PCDH17: variants seen among roughly 807,000 people sequenced by gnomAD.
The protein encoded by PCDH17 is protocadherin-17.
In PCDH17, 21 loss-of-function variants were observed where a neutral mutation model predicts 67.7. That is an observed-to-expected ratio of 0.31 (90% CI 0.22 to 0.45). The LOEUF (loss-of-function observed/expected upper bound fraction) is 0.45, where lower values mean the gene tolerates loss of function less well. PCDH17 is among the 20% of genes least tolerant of loss of function. PCDH17 has a pLI of 1.00. For missense variants in PCDH17, 1,471 were observed against 1,564.8 expected (o/e 0.94, Z 1.01); for synonymous variants, 701 against 656.7 (o/e 1.07, Z -1.03).
intron 1 of PCDH17, among the ~76,000 whole-genome samples, chr13:57,641,527 C>G (rs1486037085): frequency 8.9e-6 from 1 of 112,636 alleles, no homozygotes; most frequent in African/African-American, 3.3e-5. Flanking sequence ...CGGGGATAGA[C>G]TATAAAATTG....
chr13:57,724,221 A>G (rs1016857694), intron 3 of PCDH17, among the ~76,000 whole-genome samples: 1 of 152,152 alleles, frequency 6.6e-6, no homozygotes, highest in Non-Finnish European at 1.5e-5. Flanking sequence ...TTGCCTTGTT[A>G]TTTGATTTGA....
At chr13:57,660,731 C>G (rs1199146120) in intron 1 of PCDH17, among the ~76,000 whole-genome samples, 1 of 152,142 alleles carries the variant, frequency 6.6e-6, no homozygotes, top group Non-Finnish European at 1.5e-5. Context: ...TGTTCTGTGC[C>G]ATAATAGCTT....
chr13:57,632,352 C>G lies in PCDH17; in HGVS notation c.-195C>G, dbSNP rs557353295. The stretch of plus-strand genomic sequence containing the variant: ...CTCACCCAGTGCGGATGCTGTAGAT[C>G]AACAGGTTCAGGGAACTTGAGCAGA... On this transcript the variant is annotated 5_prime_UTR_variant, in exon 1 of 4. The change creates a new upstream start codon in the 5' untranslated region. Coordinates refer to ENST00000377918, the MANE Select transcript of PCDH17 (RefSeq NM_001040429.3). 1.6e-6 allele frequency: 1 copy of G among 608,248 alleles called. No individual in the cohort carries two copies. The highest frequency in any genetic ancestry group is 2.8e-5 in the East Asian group (1 of 36,266). 37.7% of individuals were successfully genotyped at this position (608,248 alleles called of 1,614,324 possible). A position where few individuals can be genotyped will look rare whatever the true frequency, so the allele number is the denominator to read the frequency against.
chr13:57,634,806 G>A lies in PCDH17; in HGVS notation c.2260G>A (p.Gly754Arg), dbSNP rs1171752031. 2.5e-6 allele frequency: 4 copies of A among 1,613,912 alleles called. No individual in the cohort carries two copies. In the Admixed American group the frequency reaches 6.7e-5, roughly 27 times the overall value. The change falls in exon 1 of 4, where the codon GGG (glycine) becomes AGG (arginine). Residue 754 changes from glycine to arginine, a missense_variant. Gly to Arg is a moderately radical substitution (Grantham distance 125). This residue lies in a region of PCDH17 where 1,163 missense variants were observed against 1,230.0 expected (regional missense o/e 0.95). Transcript: ENST00000377918. The surrounding 1 kb of genome is among the most constrained non-coding windows in gnomAD (Gnocchi z 7.8). ...IAEYSHPQLG[G>R]GKGKKKKINK... is the part of the protein sequence containing the mutation. ...CGAGTACAGCCACCCGCAGCTGGGT[G>A]GGGGCAAGGGCAAGAAGAAGAAGAT...
chr13:57,721,464 A>G (rs1593952667), intron 3 of PCDH17, among the ~76,000 whole-genome samples: 1 of 151,980 alleles, frequency 6.6e-6, no homozygotes, highest in East Asian at 1.9e-4. Flanking sequence ...TCTATTCCAG[A>G]ATCCATTCCC....
intron 3 of PCDH17, among the ~76,000 whole-genome samples, chr13:57,718,527 T>A (rs1331107294): frequency 6.6e-6 from 1 of 152,020 alleles, no homozygotes; most frequent in African/African-American, 2.4e-5. Flanking sequence ...AGGTACCATT[T>A]ATATGGAATG....
chr13:57,699,994 ATC>A (rs767401409), intron 3 of PCDH17, among the ~76,000 whole-genome samples: 6 of 152,016 alleles, frequency 3.9e-5, no homozygotes, highest in East Asian at 1.9e-4. Context: ...ACTCAGAAAA[ATC>A]TCTGTTTATA....
rs562793661 is a variant in PCDH17, at chr13:57,693,278, A to T, written c.2797+26445A>T. Among the ~76,000 whole-genome samples, 65 of 141,118 alleles carry T rather than the reference A, an allele frequency of 4.6e-4. 1 individual carries two copies. The East Asian group carries it at 0.012, about 26-fold the overall frequency. The allele number at this position is 141,118 out of a possible 152,430, so 92.6% of individuals were successfully genotyped here. On this transcript the variant is annotated intron_variant, in intron 3 of 3. Transcript: ENST00000377918. ...TGAAATAGTATTTGAGGTAAAAAAA[A>T]TTTTTAAGAAACTTGGTATATTTGT...
intron 3 of PCDH17, among the ~76,000 whole-genome samples, chr13:57,696,475 T>A (rs1248852621): frequency 6.6e-6 from 1 of 151,440 alleles, no homozygotes; most frequent in Non-Finnish European, 1.5e-5. Context: ...ATGTTAATGT[T>A]ACTTAAAATA....
intron 3 of PCDH17, among the ~76,000 whole-genome samples, chr13:57,700,350 T>G (rs1955650564): frequency 6.6e-6 from 1 of 151,210 alleles, no homozygotes; most frequent in African/African-American, 2.4e-5. Context: ...GACCAAGTCT[T>G]GCTCTATCGC....
intron 3 of PCDH17, among the ~76,000 whole-genome samples, chr13:57,699,765 A>G (rs61961909): frequency 0.063 from 9,615 of 152,036 alleles, 333 homozygotes; most frequent in Middle Eastern, 0.099. Context: ...TTTTTCATGT[A>G]CATCGAAGGA....
chr13:57,647,918 A>C (rs1954985672), intron 1 of PCDH17, among the ~76,000 whole-genome samples: 1 of 151,930 alleles, frequency 6.6e-6, no homozygotes, highest in South Asian at 2.1e-4. Context: ...TGACTATGCA[A>C]GTCAGCGTAA....
At chr13:57,705,500 C>T (rs1955713296) in intron 3 of PCDH17, among the ~76,000 whole-genome samples, 1 of 152,080 alleles carries the variant, frequency 6.6e-6, no homozygotes, top group Admixed American at 6.6e-5. Flanking sequence ...ATTCTCCTTA[C>T]AGAAGAAGAT....
chr13:57,640,043 A>C (rs1252989344), intron 1 of PCDH17, among the ~76,000 whole-genome samples: 1 of 152,012 alleles, frequency 6.6e-6, no homozygotes, highest in Non-Finnish European at 1.5e-5. Context: ...AAATAATCCC[A>C]AATATCATCT....
chr13:57,659,103 TTGTG>T lies in PCDH17; in HGVS notation c.2566-7339_2566-7336del, dbSNP rs71083322. 2.9e-3 allele frequency among the ~76,000 whole-genome samples: 403 copies of T among 139,840 alleles called. 2 individuals carry two copies. Among genetic ancestry groups the T allele is most frequent in the African/African-American group, 8.4e-3 (282 of 33,556 alleles). The allele number at this position is 139,840 out of a possible 152,430, so 91.7% of individuals were successfully genotyped here. The stretch of plus-strand genomic sequence containing the variant: ...CTAATTAGCACCAAGGTTATTTATA[TTGTG>T]TGTGTGTGTGTGTGTGTGTGTGTGT... On this transcript the variant is annotated intron_variant, in intron 1 of 3. Transcript: ENST00000377918.
intron 3 of PCDH17, among the ~76,000 whole-genome samples, chr13:57,709,426 G>A (rs918148113): frequency 3.3e-5 from 5 of 151,558 alleles, no homozygotes; most frequent in Non-Finnish European, 7.4e-5. Context: ...AATACATCTT[G>A]TTACTTTGCA....
intron 3 of PCDH17, among the ~76,000 whole-genome samples, chr13:57,675,296 A>G (rs77167176): frequency 0.047 from 7,102 of 152,000 alleles, 211 homozygotes; most frequent in Middle Eastern, 0.099. Context: ...TTTGTTGCTC[A>G]TTGATTCTTT....
chr13:57,711,640 G>C (rs1418609441), intron 3 of PCDH17, among the ~76,000 whole-genome samples: 1 of 151,506 alleles, frequency 6.6e-6, no homozygotes, highest in Non-Finnish European at 1.5e-5. Context: ...ATTTTCTATT[G>C]AATATATACT....
At chr13:57,659,313 T>A (rs765521060) in intron 1 of PCDH17, among the ~76,000 whole-genome samples, 1 of 152,122 alleles carries the variant, frequency 6.6e-6, no homozygotes, top group Non-Finnish European at 1.5e-5. Context: ...AGACTAGTGT[T>A]CTGATTTTTT....
Sources: allele counts gnomAD v4.1 joint callset (sites outside exome capture counted in the v4.1 genomes callset), GRCh38; gene constraint gnomAD v4.1.1; regional missense constraint gnomAD v4.1.1; non-coding constraint Gnocchi (gnomAD v3.1); transcripts MANE v1.5; gene names NCBI Gene and HGNC (gene_info 2026-07-23, HGNC 2026-07-21).